Variants in HS3ST5 observed in about 807,000 individuals in gnomAD.
The protein encoded by HS3ST5 is heparan sulfate-glucosamine 3-sulfotransferase 5.
In HS3ST5, 10 loss-of-function variants were observed where a neutral mutation model predicts 25.4. The observed-to-expected ratio is 0.39, with a 90% CI of 0.24 to 0.67. The LOEUF (loss-of-function observed/expected upper bound fraction) is 0.67, where lower values mean the gene tolerates loss of function less well. HS3ST5 is among the 30% of genes least tolerant of loss of function. HS3ST5 has a pLI of 0.44. For synonymous variants in HS3ST5, 170 were observed against 162.4 expected, an observed-to-expected ratio of 1.05 and a Z score of -0.36; for missense variants, 324 against 420.7, an observed-to-expected ratio of 0.77 and a Z score of 2.01.
intron 1 of HS3ST5, among the ~76,000 whole-genome samples, chr6:114,230,517 T>C (rs1771530742): frequency 6.6e-6 from 1 of 152,126 alleles, no homozygotes; most frequent in African/African-American, 2.4e-5. Context: ...TCCTAAAGTA[T>C]TGGCAGAGAC....
At chr6:114,151,076 G>C (rs142359481) in intron 3 of HS3ST5, among the ~76,000 whole-genome samples, 194 of 152,192 alleles carry the variant, frequency 1.3e-3, no homozygotes, top group South Asian at 5.8e-3. Context: ...TCAAAAGATG[G>C]CTGACTCTGA....
At chr6:114,221,311 A>G (rs1782022091) in intron 2 of HS3ST5, among the ~76,000 whole-genome samples, 2 of 152,026 alleles carry the variant, frequency 1.3e-5, no homozygotes, top group Admixed American at 6.6e-5. Context: ...AAAAATTACT[A>G]TAGGTGATTA....
chr6:114,228,997 A>T (rs1771443316), intron 1 of HS3ST5, among the ~76,000 whole-genome samples: 1 of 152,148 alleles, frequency 6.6e-6, no homozygotes, highest in South Asian at 2.1e-4. Flanking sequence ...GCTTTAATTG[A>T]CTATTTTTTT....
At chr6:114,213,362 G>T (rs1258139157) in intron 2 of HS3ST5, among the ~76,000 whole-genome samples, 3 of 150,602 alleles carry the variant, frequency 2.0e-5, no homozygotes, top group African/African-American at 7.3e-5. Flanking sequence ...GGTGGGCAGG[G>T]CAGGCAAAGC....
intron 3 of HS3ST5, among the ~76,000 whole-genome samples, chr6:114,103,857 A>ATTTTTTTTTTTTTTTTTTTT (rs71553394): frequency 3.2e-4 from 34 of 107,108 alleles, no homozygotes; most frequent in Non-Finnish European, 4.0e-4. Flanking sequence ...CACCTGGCTA[A>ATTTTTTTTTTTTTTTTTTTT]TTTTTTTTTT....
At chr6:114,097,860 C>T (rs1410341091) in intron 3 of HS3ST5, among the ~76,000 whole-genome samples, 1 of 151,962 alleles carries the variant, frequency 6.6e-6, no homozygotes, top group African/African-American at 2.4e-5. Context: ...ACTAACTCTA[C>T]CCCTAAAGGA....
At chr6:114,176,312 G>A (rs951527015) in intron 2 of HS3ST5, among the ~76,000 whole-genome samples, 1 of 152,080 alleles carries the variant, frequency 6.6e-6, no homozygotes, top group Admixed American at 6.5e-5. Context: ...CACCTGTCAC[G>A]GTAATTTCCA....
chr6:114,132,636 A>G (rs183037260), intron 3 of HS3ST5, among the ~76,000 whole-genome samples: 49 of 152,346 alleles, frequency 3.2e-4, no homozygotes, highest in African/African-American at 1.1e-3. Flanking sequence ...CAAGTGAAAC[A>G]AAGGTTTTGG....
intron 1 of HS3ST5, among the ~76,000 whole-genome samples, chr6:114,262,228 A>G (rs1183669578): frequency 6.6e-6 from 1 of 152,214 alleles, no homozygotes; most frequent in Non-Finnish European, 1.5e-5. Context: ...CGTCTCAGGA[A>G]AAGACTATTA....
At chr6:114,294,919 G>A (rs1286638516) in intron 1 of HS3ST5, among the ~76,000 whole-genome samples, 4 of 152,130 alleles carry the variant, frequency 2.6e-5, no homozygotes, top group African/African-American at 7.2e-5. Flanking sequence ...ATCTAAAGGC[G>A]AGGATGTCTG....
chr6:114,265,384 T>C (rs1773361306), intron 1 of HS3ST5, among the ~76,000 whole-genome samples: 1 of 151,922 alleles, frequency 6.6e-6, no homozygotes, highest in South Asian at 2.1e-4. Context: ...CTTCAGTGGG[T>C]TAATGAGTGA....
chr6:114,302,050 C>G (rs187740515), intron 1 of HS3ST5, among the ~76,000 whole-genome samples: 1 of 152,288 alleles, frequency 6.6e-6, no homozygotes, highest in East Asian at 1.9e-4. Flanking sequence ...CTGCTGTTGT[C>G]TCCAAGTTTT....
At chr6:114,161,266 T>C (rs1189371993) in intron 3 of HS3ST5, among the ~76,000 whole-genome samples, 1 of 151,344 alleles carries the variant, frequency 6.6e-6, no homozygotes, top group Non-Finnish European at 1.5e-5. Flanking sequence ...TGCCATAAAA[T>C]CAACTTAATG....
chr6:114,299,140 A>G (rs1055815327), intron 1 of HS3ST5, among the ~76,000 whole-genome samples: 3 of 152,126 alleles, frequency 2.0e-5, no homozygotes, highest in South Asian at 2.1e-4. Context: ...AAGAGAATGC[A>G]CCCCTGAGGG....
intron 3 of HS3ST5, among the ~76,000 whole-genome samples, chr6:114,133,409 T>C (rs1777441837): frequency 6.6e-6 from 1 of 152,180 alleles, no homozygotes; most frequent in African/African-American, 2.4e-5. Flanking sequence ...TGCTCCTCTG[T>C]AGTATCATGT....
chr6:114,076,249 C>A (rs193099643), intron 3 of HS3ST5, among the ~76,000 whole-genome samples: 5 of 152,266 alleles, frequency 3.3e-5, no homozygotes, highest in African/African-American at 4.8e-5. Flanking sequence ...ACCACTTAAC[C>A]CCCTGATCTT....
intron 3 of HS3ST5, among the ~76,000 whole-genome samples, chr6:114,080,320 T>C (rs1451508854): frequency 6.6e-6 from 1 of 152,188 alleles, no homozygotes; most frequent in Non-Finnish European, 1.5e-5. Context: ...CAATAAACGA[T>C]GCTGTGAACA....
intron 1 of HS3ST5, among the ~76,000 whole-genome samples, chr6:114,229,205 C>T (rs1257716813): frequency 6.6e-6 from 1 of 152,146 alleles, no homozygotes; most frequent in Non-Finnish European, 1.5e-5. Context: ...TGCTATATTT[C>T]CTTTCACATG....
At position 114,213,003 on chromosome 6, in the gene HS3ST5, G is replaced by A. The variant is rs528477127; in HGVS notation, c.-145+15582C>T. On this transcript the variant is annotated intron_variant, in intron 2 of 4. Coordinates refer to ENST00000312719, the MANE Select transcript of HS3ST5 (RefSeq NM_153612.4). Reference sequence around the variant, plus strand: ...ACAGCCTTCTGTATCCTGAGCTCTCGTTCAGCATACAGGAAGAATCAGGTC... The same window carrying A: ...ACAGCCTTCTGTATCCTGAGCTCTCATTCAGCATACAGGAAGAATCAGGTC... Among the ~76,000 whole-genome samples the A allele has an allele frequency of 8.5e-5, 13 of 152,206 alleles. No homozygotes were observed. In the East Asian group the frequency reaches 2.5e-3, roughly 29 times the overall value.
Sources: gnomAD v4.1 joint callset for allele counts (sites outside exome capture counted in the v4.1 genomes callset) on GRCh38, gnomAD v4.1.1 for gene constraint, MANE v1.5 for transcripts, NCBI Gene and HGNC (gene_info 2026-07-23, HGNC 2026-07-21) for gene names.